ABLIM3: variants seen among roughly 807,000 people sequenced by gnomAD.
ABLIM3 encodes the protein actin-binding LIM protein 3.
In ABLIM3, 61 loss-of-function variants were observed where a neutral mutation model predicts 109.5. The ratio of observed to expected loss-of-function variants is 0.56; its 90% CI spans 0.45 to 0.69. The LOEUF (loss-of-function observed/expected upper bound fraction) is 0.69, where lower values mean the gene tolerates loss of function less well. ABLIM3 is among the 30% of genes least tolerant of loss of function. ABLIM3 has a pLI of 0.00. For missense variants in ABLIM3, 796 were observed against 889.5 expected (o/e 0.89, Z 1.34); for synonymous variants, 300 against 324.8 (o/e 0.92, Z 0.82).
intron 8 of ABLIM3, among the ~76,000 whole-genome samples, chr5:149,228,549 CCTT>C (rs1761539878): frequency 6.6e-6 from 1 of 152,152 alleles, no homozygotes; most frequent in Non-Finnish European, 1.5e-5. Context: ...ATGATGTTAT[CCTT>C]CTGTTAATGT....
At chr5:149,255,247 G>C (rs542901028) in intron 23 of ABLIM3, among the ~76,000 whole-genome samples, 1 of 152,324 alleles carries the variant, frequency 6.6e-6, no homozygotes, top group East Asian at 1.9e-4. Context: ...ACAGTCCTGA[G>C]ACTGTGGGCC....
intron 11 of ABLIM3, 121 bp downstream of exon 11, chr5:149,237,724 A>G: frequency 7.6e-7 from 1 of 1,312,336 alleles, no homozygotes; most frequent in Admixed American, 2.5e-5. Context: ...ACTCTTCTAC[A>G]CTGGGATTTA....
intron 3 of ABLIM3, among the ~76,000 whole-genome samples, chr5:149,194,721 G>A (rs544415590): frequency 6.6e-6 from 1 of 152,262 alleles, no homozygotes; most frequent in African/African-American, 2.4e-5. Flanking sequence ...TCAAAAAGTG[G>A]CCAAACTAAA....
chr5:149,189,298 T>C (rs1438035118), intron 3 of ABLIM3, among the ~76,000 whole-genome samples: 3 of 152,166 alleles, frequency 2.0e-5, no homozygotes, highest in African/African-American at 7.2e-5. Flanking sequence ...TGAGTTGTGC[T>C]AAACCTTCTT....
intron 8 of ABLIM3, among the ~76,000 whole-genome samples, chr5:149,224,953 T>C (rs1165538625): frequency 6.6e-6 from 1 of 152,238 alleles, no homozygotes; most frequent in Non-Finnish European, 1.5e-5. Context: ...ACAGAGTGCC[T>C]GATACCAGTA....
At chr5:149,256,992 C>T (rs1244475056) in intron 23 of ABLIM3, among the ~76,000 whole-genome samples, 1 of 152,220 alleles carries the variant, frequency 6.6e-6, no homozygotes, top group African/African-American at 2.4e-5. Context: ...GTTTGAAATT[C>T]TGAAGGTATG....
At chr5:149,221,243 A>C (rs933984160) in intron 8 of ABLIM3, among the ~76,000 whole-genome samples, 44 of 152,322 alleles carry the variant, frequency 2.9e-4, no homozygotes, top group African/African-American at 1.1e-3. Context: ...AGGCCCACTT[A>C]CCTGGCACAC....
chr5:149,189,094 TAATTC>T (rs1234443168), intron 3 of ABLIM3, among the ~76,000 whole-genome samples: 1 of 152,196 alleles, frequency 6.6e-6, no homozygotes, highest in Non-Finnish European at 1.5e-5. Context: ...GCTGTTGAGA[TAATTC>T]AAGAGGGGAA....
chr5:149,246,362 C>T (rs1010319710), intron 16 of ABLIM3, 120 bp from the exon 17 acceptor site: 5 of 943,936 alleles, frequency 5.3e-6, no homozygotes, highest in Admixed American at 2.8e-5. Context: ...GAGACTGTTT[C>T]CATTGAAAAA....
chr5:149,194,004 A>G (rs756363438), intron 3 of ABLIM3, among the ~76,000 whole-genome samples: 12 of 152,208 alleles, frequency 7.9e-5, no homozygotes, highest in Non-Finnish European at 1.6e-4. Flanking sequence ...ATACCTTTTT[A>G]GGATTTCAGG....
intron 9 of ABLIM3, among the ~76,000 whole-genome samples, chr5:149,232,121 C>T (rs932541247): frequency 2.0e-5 from 3 of 152,134 alleles, no homozygotes; most frequent in East Asian, 3.9e-4. Flanking sequence ...GGCTGGCCAA[C>T]ATGGCGAAAC....
chr5:149,212,439 T>G (rs760728706), intron 7 of ABLIM3, among the ~76,000 whole-genome samples: 1 of 152,062 alleles, frequency 6.6e-6, no homozygotes, highest in Non-Finnish European at 1.5e-5. Context: ...AGAGCTGGGC[T>G]TCTGGGAGGA....
intron 23 of ABLIM3, among the ~76,000 whole-genome samples, chr5:149,254,749 C>T (rs1194200710): frequency 6.6e-6 from 1 of 152,168 alleles, no homozygotes; most frequent in African/African-American, 2.4e-5. Flanking sequence ...GGGGACAGCT[C>T]CCAGGGCAGC....
At chr5:149,189,812 A>G (rs1429418191) in intron 3 of ABLIM3, among the ~76,000 whole-genome samples, 1 of 152,224 alleles carries the variant, frequency 6.6e-6, no homozygotes, top group East Asian at 1.9e-4. Context: ...TCCTCAAAAG[A>G]TGAAATTAGA....
Position 149,251,406 on chromosome 5 carries a change from C to A in ABLIM3, c.1836C>A (p.Asn612Lys). The change falls in exon 21 of 24, where the codon AAC (asparagine) becomes AAA (lysine). Residue 612 changes from asparagine to lysine, a missense_variant. Coordinates refer to ENST00000309868, the MANE Select transcript of ABLIM3 (RefSeq NM_014945.5). ...LFHYDSMNAVNWGMREYKIYP... is the reference protein window; with the variant it reads ...LFHYDSMNAVKWGMREYKIYP... Reference sequence around the variant, plus strand: ...ACTACGACAGCATGAACGCAGTCAACTGGGGCATGCGAGGTGAGTGCAGGC... The same window carrying A: ...ACTACGACAGCATGAACGCAGTCAAATGGGGCATGCGAGGTGAGTGCAGGC... 6.2e-7 allele frequency: 1 copy of A among 1,614,146 alleles called. No individual in the cohort carries two copies.
chr5:149,195,871 A>G (rs1296202029), intron 3 of ABLIM3, among the ~76,000 whole-genome samples: 1 of 152,166 alleles, frequency 6.6e-6, no homozygotes, highest in Non-Finnish European at 1.5e-5. Flanking sequence ...GCCTCTTCGT[A>G]GGGGTGGGGT....
rs147156443 is a variant in ABLIM3 at position 149,150,057 on chromosome 5, G to A, written c.13+7949G>A. 7.2e-3 allele frequency among the ~76,000 whole-genome samples: 1,093 copies of A among 152,238 alleles called. 4 individuals carry two copies. The highest frequency in any genetic ancestry group is 0.012 in the Admixed American group (189 of 15,286). On this transcript the variant is annotated intron_variant, in intron 2 of 23. Transcript: ENST00000309868. ...TCTCTCTCCCTCAGATCTCCTATGG[G>A]TACCTCCCATTGGTCAAATCCAATC...
intron 13 of ABLIM3, 120 bp from the exon 14 acceptor site, chr5:149,240,556 C>G (rs549549614): frequency 1.3e-6 from 1 of 779,688 alleles, no homozygotes; most frequent in African/African-American, 1.7e-5. Flanking sequence ...CGCTGAGACG[C>G]CCCAGCCCAT....
chr5:149,200,775 C>T (rs1325505359), intron 5 of ABLIM3, among the ~76,000 whole-genome samples: 10 of 152,284 alleles, frequency 6.6e-5, no homozygotes, highest in African/African-American at 2.4e-4. Flanking sequence ...GAATTTTTAC[C>T]AACTCCACTA....
Sources: gnomAD v4.1 joint callset for allele counts (sites outside exome capture counted in the v4.1 genomes callset) on GRCh38, gnomAD v4.1.1 for gene constraint, MANE v1.5 for transcripts, NCBI Gene and HGNC (gene_info 2026-07-23, HGNC 2026-07-21) for gene names.